Variants in OR6N2 observed in about 807,000 individuals in gnomAD.
OR6N2 encodes the protein olfactory receptor 6N2.
For missense variants in OR6N2, 399 were observed against 379.7 expected (o/e 1.05, Z -0.42); for synonymous variants, 160 against 138.3 (o/e 1.16, Z -1.10).
chr1:158,779,606 C>T (rs1396036976), intron 1 of OR6N2, among the ~76,000 whole-genome samples: 2 of 152,176 alleles, frequency 1.3e-5, no homozygotes, highest in African/African-American at 4.8e-5. Context: ...ACTTAAAAGA[C>T]TCTTCTTGAT....
rs1344936953 is a variant in OR6N2 at position 158,774,385 on chromosome 1, G to A, written c.*2297C>T. On this transcript the variant is annotated 3_prime_UTR_variant, in exon 2 of 2. Transcript: ENST00000641131. ...ACAACAAATCAAGAAAAGCAGATTT[G>A]TTACTCATAGACATGCAGCAATGAG... 2 of 152,146 alleles carry A rather than the reference G, an allele frequency of 1.3e-5. No individual in the cohort carries two copies. Among genetic ancestry groups the A allele is most frequent in the Non-Finnish European group, 2.9e-5 (2 of 68,040 alleles). 9.4% of individuals were successfully genotyped at this position (152,146 alleles called of 1,614,324 possible). A position where few individuals can be genotyped will look rare whatever the true frequency, so the allele number is the denominator to read the frequency against.
rs569955374 is a variant in OR6N2 at position 158,774,377 on chromosome 1, G to C, written c.*2305C>G. 6.6e-6 allele frequency: 1 copy of C among 152,230 alleles called. No individual in the cohort carries two copies. The highest frequency in any genetic ancestry group is 2.1e-4 in the South Asian group (1 of 4,820). 9.4% of individuals were successfully genotyped at this position (152,230 alleles called of 1,614,324 possible). A position where few individuals can be genotyped will look rare whatever the true frequency, so the allele number is the denominator to read the frequency against. ...TAAAACACACAACAAATCAAGAAAA[G>C]CAGATTTGTTACTCATAGACATGCA... is the stretch of plus-strand genomic sequence containing the variant. On this transcript the variant is annotated 3_prime_UTR_variant, in exon 2 of 2. Transcript: ENST00000641131.
At chr1:158,777,797 T>C (rs1332059642) in intron 1 of OR6N2, among the ~76,000 whole-genome samples, 156 bp from the exon 2 acceptor site, 1 of 152,240 alleles carries the variant, frequency 6.6e-6, no homozygotes, top group African/African-American at 2.4e-5. Context: ...AAAATATTAA[T>C]AGCTAACTCT....
chr1:158,780,478 C>T (rs765013873), intron 1 of OR6N2, among the ~76,000 whole-genome samples: 7 of 152,120 alleles, frequency 4.6e-5, no homozygotes, highest in East Asian at 1.9e-4. Context: ...AGATGCTCCT[C>T]GACTTACAAA....
In OR6N2 at chr1:158,776,927, C is replaced by T. The variant is rs750294694; in HGVS notation, c.709G>A (p.Ala237Thr). ...KIKTASGRKK[A>T]FSTCASHLAV... ...AGATGTGAGGCACAGGTAGAAAAGGCCTTCTTTCTTCCTGATGCTGTTTTT... is the reference window on the plus strand; with the variant it reads ...AGATGTGAGGCACAGGTAGAAAAGGTCTTCTTTCTTCCTGATGCTGTTTTT... The change falls in exon 2 of 2, where the codon GCC becomes ACC. Residue 237 changes from alanine to threonine, a missense_variant. Coordinates refer to ENST00000641131, the MANE Select transcript of OR6N2 (RefSeq NM_001005278.2). The T allele has an allele frequency of 1.3e-5, 21 of 1,613,720 alleles. No individual in the cohort carries two copies. The highest frequency in any genetic ancestry group is 1.8e-5 in the Non-Finnish European group (21 of 1,179,822).
chr1:158,776,795 G>C lies in OR6N2; in HGVS notation c.841C>G (p.Leu281Val), dbSNP rs765831897. 6.6e-5 allele frequency: 107 copies of C among 1,613,820 alleles called. No homozygotes were observed. The highest frequency in any genetic ancestry group is 8.6e-5 in the Non-Finnish European group (102 of 1,179,818). The change falls in exon 2 of 2, where the codon CTA (leucine) becomes GTA (valine). Residue 281 changes from leucine to valine, a missense_variant. Transcript: ENST00000641131. ...ATAATTGGATTGACCATTGGTGTTA[G>C]TACGGAGTAAACTATAGCAAGTGTT... is the stretch of plus-strand genomic sequence containing the variant. The part of the protein sequence containing the change: ...DRTLAIVYSV[L>V]TPMVNPIIYS...
rs750106633 is a variant in OR6N2 at position 158,777,409 on chromosome 1, G to C, written c.227C>G (p.Thr76Ser). The C allele has an allele frequency of 6.2e-7, 1 of 1,614,138 alleles. No individual in the cohort carries two copies. The highest frequency in any genetic ancestry group is 8.5e-7 in the Non-Finnish European group (1 of 1,179,952). Residue 76 changes from threonine (T) to serine (S), a missense_variant, in exon 2 of 2, where the codon ACC becomes AGC. Thr to Ser is a moderately conservative substitution (Grantham distance 58, BLOSUM62 1). Transcript: ENST00000641131. ...LSFLELWYTA[T>S]TIPKMLSNIL... ...ATTAGACAACATCTTAGGGATAGTG[G>C]TAGCTGTATACCACAACTCCAAGAA...
chr1:158,777,672 G>A (rs968109111), intron 1 of OR6N2, 31 bp from the exon 2 acceptor site: 3 of 1,355,206 alleles, frequency 2.2e-6, no homozygotes, highest in Admixed American at 1.9e-5. Flanking sequence ...AGAAAACATT[G>A]GATTGAGATG....
intron 1 of OR6N2, among the ~76,000 whole-genome samples, chr1:158,779,399 A>G (rs1476050354): frequency 6.6e-6 from 1 of 152,172 alleles, no homozygotes; most frequent in Non-Finnish European, 1.5e-5. Context: ...TGTCACATTA[A>G]AAGTATTCAA....
At chr1:158,777,829 A>C (rs1237035129) in intron 1 of OR6N2, among the ~76,000 whole-genome samples, 188 bp from the exon 2 acceptor site, 1 of 152,186 alleles carries the variant, frequency 6.6e-6, no homozygotes, top group Admixed American at 6.5e-5. Flanking sequence ...ACTATTCATC[A>C]TTTTTACAAG....
Position 158,775,147 on chromosome 1 carries a change from C to T in OR6N2, c.*1535G>A, listed in dbSNP as rs1429046367. The stretch of plus-strand genomic sequence containing the variant: ...GTATATATACATAAATGTCCACAAA[C>T]ACATAAATTGCCATACATATTTTGA... On this transcript the variant is annotated 3_prime_UTR_variant, in exon 2 of 2. Coordinates refer to ENST00000641131, the MANE Select transcript of OR6N2 (RefSeq NM_001005278.2). 6.6e-6 allele frequency: 1 copy of T among 152,082 alleles called. No homozygotes were observed. Among genetic ancestry groups the T allele is most frequent in the Non-Finnish European group, 1.5e-5 (1 of 68,022 alleles). 9.4% of individuals were successfully genotyped at this position (152,082 alleles called of 1,614,324 possible).
intron 1 of OR6N2, among the ~76,000 whole-genome samples, chr1:158,778,390 T>C (rs1657662932): frequency 6.6e-6 from 1 of 152,054 alleles, no homozygotes; most frequent in African/African-American, 2.4e-5. Context: ...TCCAAGAAGA[T>C]CTGGGATCAG....
chr1:158,780,552 A>G (rs1170360279), intron 1 of OR6N2, among the ~76,000 whole-genome samples: 1 of 152,182 alleles, frequency 6.6e-6, no homozygotes, highest in Non-Finnish European at 1.5e-5. Flanking sequence ...AATATACCCA[A>G]ACATCATATG....
chr1:158,777,060 T>G lies in OR6N2; in HGVS notation c.576A>C (p.Thr192=). 3 of 1,614,014 alleles carry G rather than the reference T, an allele frequency of 1.9e-6. No homozygotes were observed. The change falls in exon 2 of 2, where the codon ACA becomes ACC. Residue 192 remains threonine (T), a synonymous_variant. Coordinates refer to ENST00000641131, the MANE Select transcript of OR6N2 (RefSeq NM_001005278.2). The part of the protein sequence containing the change: ...PPLLSLACKD[T]SANILVDFAI... ...CAAAGTCCACCAGAATGTTAGCAGA[T>G]GTGTCCTTGCAGGCCAAGCTCAGCA...
In OR6N2 at chr1:158,774,917, T is replaced by C. The variant is rs1657547244; in HGVS notation, c.*1765A>G. The C allele has an allele frequency of 6.6e-6, 1 of 152,202 alleles. No individual in the cohort carries two copies. Among genetic ancestry groups the C allele is most frequent in the African/African-American group, 2.4e-5 (1 of 41,442 alleles). 9.4% of individuals were successfully genotyped at this position (152,202 alleles called of 1,614,324 possible). A position where few individuals can be genotyped will look rare whatever the true frequency, so the allele number is the denominator to read the frequency against. ...GTTTCAGTAATGATTAGAATCATTA[T>C]GTCATTGTTAAAGGCCAAATATATT... On this transcript the variant is annotated 3_prime_UTR_variant, in exon 2 of 2. Coordinates refer to ENST00000641131, the MANE Select transcript of OR6N2 (RefSeq NM_001005278.2).
chr1:158,778,834 G>A (rs1657673740), intron 1 of OR6N2, among the ~76,000 whole-genome samples: 1 of 151,610 alleles, frequency 6.6e-6, no homozygotes, highest in African/African-American at 2.4e-5. Context: ...CTAACACGGT[G>A]AAACCCCGTC....
intron 1 of OR6N2, among the ~76,000 whole-genome samples, chr1:158,780,342 A>G (rs72702911): frequency 0.15 from 22,194 of 152,218 alleles, 2,107 homozygotes; most frequent in Non-Finnish European, 0.22. Context: ...GGAGCACCCT[A>G]AAGGCCTCTG....
At chr1:158,779,060 A>G (rs1657683514) in intron 1 of OR6N2, among the ~76,000 whole-genome samples, 1 of 151,998 alleles carries the variant, frequency 6.6e-6, no homozygotes, top group South Asian at 2.1e-4. Context: ...CAAACATGAT[A>G]GAGTGGCAAT....
At position 158,776,874 on chromosome 1, in the gene OR6N2, G is replaced by A. The variant is rs763376872; in HGVS notation, c.762C>T (p.Ser254=). 2 of 1,614,122 alleles carry A rather than the reference G, an allele frequency of 1.2e-6. No individual in the cohort carries two copies. Among genetic ancestry groups the A allele is most frequent in the Non-Finnish European group, 8.5e-7 (1 of 1,180,010 alleles). ...TTAGCCGCACATACATGAAGATGAT[G>A]CTCCCAAAGAAGATGAGGACCACAG... The part of the protein sequence containing the change: ...HLAVVLIFFG[S]IIFMYVRLKK... The change falls in exon 2 of 2, where the codon AGC becomes AGT. Residue 254 remains serine (S), a synonymous_variant. Coordinates refer to ENST00000641131, the MANE Select transcript of OR6N2 (RefSeq NM_001005278.2).
Sources: allele counts gnomAD v4.1 joint callset (sites outside exome capture counted in the v4.1 genomes callset), GRCh38; gene constraint gnomAD v4.1.1; transcripts MANE v1.5; gene names NCBI Gene and HGNC (gene_info 2026-07-23, HGNC 2026-07-21).